VAV2: variants seen among roughly 807,000 people sequenced by gnomAD.
The protein encoded by VAV2 is vav guanine nucleotide exchange factor 2, also known as guanine nucleotide exchange factor VAV2.
Under a neutral mutation model 132.5 loss-of-function variants are expected in VAV2, and 67 were observed. The ratio of observed to expected loss-of-function variants is 0.51; its 90% confidence interval spans 0.42 to 0.62. The LOEUF (loss-of-function observed/expected upper bound fraction) is 0.62. Ranked by LOEUF, VAV2 falls within the 20% of genes least tolerant of loss-of-function variation. VAV2 has a pLI of 0.00. For synonymous variants in VAV2, 492 were observed against 443.5 expected (o/e 1.11, Z -1.37); for missense variants, 938 against 1,153.6 (o/e 0.81, Z 2.71).
At position 133,816,868 on chromosome 9, in the gene VAV2, A is replaced by G. The variant is rs1329554473; in HGVS notation, c.450-4652T>C. On this transcript the variant is annotated intron_variant, in intron 4 of 29. Coordinates refer to ENST00000371850, the MANE Select transcript of VAV2 (RefSeq NM_001134398.2). ...CATCCATCTATTTGTCTATCTTTAC[A>G]CTAACACTTCTGTGTCTTGATACAT... Among the ~76,000 whole-genome samples the G allele has an allele frequency of 2.6e-5, 4 of 152,230 alleles. No homozygotes were observed. In the South Asian group the frequency reaches 8.3e-4, roughly 32 times the overall value.
chr9:133,897,640 A>C (rs1478466259), intron 2 of VAV2, among the ~76,000 whole-genome samples: 2 of 151,986 alleles, frequency 1.3e-5, no homozygotes, highest in Non-Finnish European at 2.9e-5. Flanking sequence ...GGGTGGCCAA[A>C]AGGTGTGGCT....
intron 1 of VAV2, among the ~76,000 whole-genome samples, chr9:133,968,998 C>T (rs1430789279): frequency 6.6e-6 from 1 of 152,024 alleles, no homozygotes; most frequent in East Asian, 1.9e-4. Flanking sequence ...CTAAGAAAAA[C>T]CACTCTTTCC....
chr9:133,781,743 G>A (rs1834013720), intron 19 of VAV2, among the ~76,000 whole-genome samples: 1 of 152,204 alleles, frequency 6.6e-6, no homozygotes, highest in African/African-American at 2.4e-5. Flanking sequence ...GGGAAAAATG[G>A]CTACAAGTGG....
chr9:133,784,283 C>T (rs1251065273), intron 18 of VAV2, 34 bp downstream of exon 18: 5 of 1,598,302 alleles, frequency 3.1e-6, no homozygotes, highest in African/African-American at 2.7e-5. Context: ...GGGCGTGGAG[C>T]GAGGTGAGGG....
At chr9:133,871,953 C>T (rs956086879) in intron 2 of VAV2, among the ~76,000 whole-genome samples, 1 of 152,272 alleles carries the variant, frequency 6.6e-6, no homozygotes, top group Non-Finnish European at 1.5e-5. Flanking sequence ...ATGGGGTCAT[C>T]GCTCCACCCT....
chr9:133,883,556 A>G lies in VAV2; in HGVS notation c.322-22124T>C, dbSNP rs1167791139. On this transcript the variant is annotated intron_variant, in intron 2 of 29. Transcript: ENST00000371850. The surrounding 1 kb of genome is among the most constrained non-coding windows in gnomAD (Gnocchi z 4.2). ...TCATCCCCAGCCACGGCAGGCAGAC[A>G]GCCCAGCAGAGACTCCCAAGTCATC... Among the ~76,000 whole-genome samples the G allele has an allele frequency of 6.6e-6, 1 of 152,010 alleles. No homozygotes were observed. The highest frequency in any genetic ancestry group is 1.5e-5 in the Non-Finnish European group (1 of 67,984).
chr9:133,953,321 A>G (rs1841631042), intron 1 of VAV2, among the ~76,000 whole-genome samples: 1 of 152,220 alleles, frequency 6.6e-6, no homozygotes, highest in Non-Finnish European at 1.5e-5. Flanking sequence ...GCCCACCACA[A>G]CAGGCACTTG....
intron 12 of VAV2, 97 bp from the exon 13 acceptor site, chr9:133,791,966 G>C: frequency 3.6e-6 from 1 of 278,254 alleles, no homozygotes; most frequent in South Asian, 6.9e-5. Flanking sequence ...GTGTGTGCAT[G>C]TGAGCGGGCT....
rs190108958 is a variant in VAV2 at position 133,776,067 on chromosome 9, C to A, written c.1979G>T (p.Arg660Leu). ...GTAGTCGATCTCCCGGGATGGCGGC[C>A]GGCTGATGGGCGGCTGGTGGCAGAG... Reference protein sequence around the residue: ...CPVDGRPPISRPPSREIDYTA... With the variant: ...CPVDGRPPISLPPSREIDYTA... The change falls in exon 24 of 30, where the codon CGG (arginine) becomes CTG (leucine). Residue 660 changes from arginine (R) to leucine (L), a missense_variant. Coordinates refer to ENST00000371850, the MANE Select transcript of VAV2 (RefSeq NM_001134398.2). The A allele has an allele frequency of 2.5e-6, 4 of 1,613,138 alleles. No individual in the cohort carries two copies. The highest frequency in any genetic ancestry group is 3.4e-6 in the Non-Finnish European group (4 of 1,179,748).
intron 4 of VAV2, among the ~76,000 whole-genome samples, chr9:133,829,332 T>A (rs1396837898): frequency 1.3e-5 from 2 of 152,270 alleles, no homozygotes; most frequent in Non-Finnish European, 2.9e-5. Flanking sequence ...AAAAGCGAGC[T>A]TAGAGCACTT....
chr9:133,868,647 CAGAAGCGTGCATGTTTGTTATGACTTT>C (rs1373186729), intron 2 of VAV2, among the ~76,000 whole-genome samples: 1 of 152,256 alleles, frequency 6.6e-6, no homozygotes, highest in Non-Finnish European at 1.5e-5. Context: ...GGCTCAGGGC[CAGAAGCGTGCATGTTTGTTATGACTTT>C]AGAAGACACT....
intron 2 of VAV2, among the ~76,000 whole-genome samples, chr9:133,893,407 G>A (rs533120069): frequency 3.3e-5 from 5 of 152,336 alleles, no homozygotes; most frequent in South Asian, 2.1e-4. Flanking sequence ...GTCGGGCAGC[G>A]CCACGGTGGG....
intron 16 of VAV2, among the ~76,000 whole-genome samples, chr9:133,786,600 C>G (rs1337555209): frequency 6.6e-6 from 1 of 152,262 alleles, no homozygotes; most frequent in Non-Finnish European, 1.5e-5. Context: ...AACCTCACTT[C>G]TCTGAAGTAG....
chr9:133,785,618 G>A (rs2023665), intron 17 of VAV2, among the ~76,000 whole-genome samples, 158 bp downstream of exon 17: 85,367 of 151,972 alleles, frequency 0.56, 24,105 homozygotes, highest in Middle Eastern at 0.6. Flanking sequence ...TGAGGCTGGC[G>A]TCCCAGGGGT....
At position 133,834,221 on chromosome 9, in the gene VAV2, C is replaced by T. The variant is rs374394892; in HGVS notation, c.449+51G>A. ...CTGACTCCCTGGACACCACCAGGAA[C>T]CTCCCTGCCCCTCCCTCCTCTCCAT... is the stretch of plus-strand genomic sequence containing the variant. On this transcript the variant is annotated intron_variant, in intron 4 of 29. Transcript: ENST00000371850. The surrounding 1 kb of genome is among the most constrained non-coding windows in gnomAD (Gnocchi z 5.9). 5.8e-4 allele frequency: 913 copies of T among 1,562,816 alleles called. No individual in the cohort carries two copies. Among genetic ancestry groups the T allele is most frequent in the Non-Finnish European group, 7.8e-4 (895 of 1,150,658 alleles).
intron 4 of VAV2, among the ~76,000 whole-genome samples, chr9:133,825,810 C>T (rs931940915): frequency 2.6e-5 from 4 of 152,166 alleles, no homozygotes; most frequent in Admixed American, 1.3e-4. Context: ...CGGCCTCTCC[C>T]CTCCCAGGTC....
chr9:133,979,487 G>A (rs1842624940), intron 1 of VAV2, among the ~76,000 whole-genome samples: 1 of 152,208 alleles, frequency 6.6e-6, no homozygotes, highest in South Asian at 2.1e-4. Flanking sequence ...TCCCAGGGCA[G>A]CAGGAAGGAG....
rs1306667525 is a variant in VAV2 at position 133,768,724 on chromosome 9, G to A, written c.2435-128C>T. 2 of 1,240,206 alleles carry A rather than the reference G, an allele frequency of 1.6e-6. No individual in the cohort carries two copies. Among genetic ancestry groups the A allele is most frequent in the Non-Finnish European group, 2.2e-6 (2 of 917,196 alleles). 76.8% of individuals were successfully genotyped at this position (1,240,206 alleles called of 1,614,324 possible). On this transcript the variant is annotated intron_variant, in intron 28 of 29. Coordinates refer to ENST00000371850, the MANE Select transcript of VAV2 (RefSeq NM_001134398.2). This position sits in a 1 kb window ranked among gnomAD's most constrained non-coding sequence, Gnocchi z 5.3. ...CCCTGCTCTGTACCCAGAGAGGAAG[G>A]ATGTCAAGCAGAAAGGCTCTGGAGG...
At chr9:133,910,925 C>T (rs974954431) in intron 2 of VAV2, among the ~76,000 whole-genome samples, 1 of 152,010 alleles carries the variant, frequency 6.6e-6, no homozygotes, top group African/African-American at 2.4e-5. Context: ...AACACAGTCC[C>T]GCAGACCGCA....
Sources: allele counts gnomAD v4.1 joint callset (sites outside exome capture counted in the v4.1 genomes callset), GRCh38; gene constraint gnomAD v4.1.1; non-coding constraint Gnocchi (gnomAD v3.1); transcripts MANE v1.5; gene names NCBI Gene and HGNC (gene_info 2026-07-23, HGNC 2026-07-21).